Variants in PDE1B observed in about 807,000 individuals in gnomAD.
PDE1B encodes phosphodiesterase 1B, also known as dual specificity calcium/calmodulin-dependent 3',5'-cyclic nucleotide phosphodiesterase 1B.
In PDE1B, 13 loss-of-function variants were observed where a neutral mutation model predicts 66.7. That is an observed-to-expected ratio of 0.19 (90% CI 0.13 to 0.31). PDE1B has a LOEUF of 0.31. PDE1B is among the 10% of genes least tolerant of loss of function. The pLI is 1.00. For synonymous variants in PDE1B, 230 were observed against 253.9 expected (o/e 0.91, Z 0.90); for missense variants, 485 against 682.3 (o/e 0.71, Z 3.22).
At chr12:54,570,210 G>T in intron 5 of PDE1B, 31 bp from the exon 6 acceptor site, 1 of 1,344,294 alleles carries the variant, frequency 7.4e-7, no homozygotes, top group Middle Eastern at 1.8e-4. Context: ...GCTGCTGCTG[G>T]AAAGCCACAT....
Position 54,577,330 on chromosome 12 carries a change from C to G in PDE1B, c.*2C>G. The G allele has an allele frequency of 6.2e-7, 1 of 1,613,906 alleles. No individual in the cohort carries two copies. Among genetic ancestry groups the G allele is most frequent in the Non-Finnish European group, 8.5e-7 (1 of 1,179,954 alleles). On this transcript the variant is annotated 3_prime_UTR_variant, in exon 15 of 16. Coordinates refer to ENST00000243052, the MANE Select transcript of PDE1B (RefSeq NM_000924.4). The stretch of plus-strand genomic sequence containing the variant: ...AACCAGAATGGGAATCTGGATTAGC[C>G]CTGGGGCTGGCCCAGGTGAGCCTGT...
In PDE1B at chr12:54,575,646, C is replaced by T; in HGVS notation, c.1267+14C>T. 6.3e-7 allele frequency: 1 copy of T among 1,577,350 alleles called. No homozygotes were observed. On this transcript the variant is annotated intron_variant, in intron 12 of 15. Coordinates refer to ENST00000243052, the MANE Select transcript of PDE1B (RefSeq NM_000924.4). The surrounding 1 kb of genome is among the most constrained non-coding windows in gnomAD (Gnocchi z 4.0). ...AGTCTCAGATAGGTGAGTGTCCTCT[C>T]CTGCAGGAAGGGGAGGACTGGGAGG... is the stretch of plus-strand genomic sequence containing the variant.
Position 54,549,855 on chromosome 12 carries a change from C to T in PDE1B, c.-13-5C>T. On this transcript the variant is annotated splice_polypyrimidine_tract_variant and splice_region_variant and intron_variant, in intron 1 of 15. Transcript: ENST00000243052. ...GAGGTGCTGTCTCCTCCTTCTGTTCCGTAGACCGTGGCTGAGCATGGAGCT... is the reference window on the plus strand; with the variant it reads ...GAGGTGCTGTCTCCTCCTTCTGTTCTGTAGACCGTGGCTGAGCATGGAGCT... 1.3e-6 allele frequency: 2 copies of T among 1,596,094 alleles called. No individual in the cohort carries two copies. The highest frequency in any genetic ancestry group is 2.2e-5 in the South Asian group (2 of 90,404).
chr12:54,562,802 A>T (rs141214582), intron 2 of PDE1B, among the ~76,000 whole-genome samples: 138 of 152,300 alleles, frequency 9.1e-4, no homozygotes, highest in Non-Finnish European at 1.8e-3. Flanking sequence ...TCCTCTTCTT[A>T]GACTTCCCAT....
Position 54,575,021 on chromosome 12 carries a change from T to C in PDE1B, c.1065-77T>C. The C allele has an allele frequency of 3.4e-6, 4 of 1,186,072 alleles. No individual in the cohort carries two copies. Among genetic ancestry groups the C allele is most frequent in the Non-Finnish European group, 4.9e-6 (4 of 818,018 alleles). The allele number at this position is 1,186,072 out of a possible 1,614,324, so 73.5% of individuals were successfully genotyped here. On this transcript the variant is annotated intron_variant, in intron 10 of 15. Coordinates refer to ENST00000243052, the MANE Select transcript of PDE1B (RefSeq NM_000924.4). The surrounding 1 kb of genome is among the most constrained non-coding windows in gnomAD (Gnocchi z 4.0). Reference sequence around the variant, plus strand: ...AAGAAGTTATGTGATAGGGTGTGCGTGGGAAGTTAGGGAATGGTCCTAACT... The same window carrying C: ...AAGAAGTTATGTGATAGGGTGTGCGCGGGAAGTTAGGGAATGGTCCTAACT...
chr12:54,566,806 C>T (rs1463746080), intron 2 of PDE1B, among the ~76,000 whole-genome samples, 168 bp from the exon 3 acceptor site: 1 of 152,018 alleles, frequency 6.6e-6, no homozygotes, highest in Non-Finnish European at 1.5e-5. Flanking sequence ...TGGCAATAGC[C>T]TGAGATTAAA....
Position 54,573,958 on chromosome 12 carries a change from C to T in PDE1B, c.1064+249C>T. 2.0e-6 allele frequency: 1 copy of T among 506,486 alleles called. No individual in the cohort carries two copies. Among genetic ancestry groups the T allele is most frequent in the Non-Finnish European group, 3.5e-6 (1 of 284,844 alleles). 31.4% of individuals were successfully genotyped at this position (506,486 alleles called of 1,614,324 possible). A position where few individuals can be genotyped will look rare whatever the true frequency, so the allele number is the denominator to read the frequency against. ...TTGGCAGCTGATCCACTGGAGAGTGCTTTGGGCTGGGAATCTAAGATGGGG... is the reference window on the plus strand; with the variant it reads ...TTGGCAGCTGATCCACTGGAGAGTGTTTTGGGCTGGGAATCTAAGATGGGG... On this transcript the variant is annotated intron_variant, in intron 10 of 15. Transcript: ENST00000243052. The surrounding 1 kb of genome is among the most constrained non-coding windows in gnomAD (Gnocchi z 5.2).
intron 2 of PDE1B, among the ~76,000 whole-genome samples, chr12:54,554,973 A>C (rs1310188438): frequency 6.6e-6 from 1 of 152,160 alleles, no homozygotes; most frequent in African/African-American, 2.4e-5. Context: ...AGGAATATGA[A>C]TTACCTAATA....
rs1199129939 is a variant in PDE1B at position 54,549,608 on chromosome 12, G to GGCGGCGGCGGCGGTA, written c.-172_-158dup. On this transcript the variant is annotated 5_prime_UTR_variant, in exon 1 of 16. Transcript: ENST00000243052. ...CGAGGAGGCGGCTCTGGCAGCGCGC[G>GGCGGCGGCGGCGGTA]GCGGCGGCGGCGGTAGCGGCAGCAG... The GGCGGCGGCGGCGGTA allele has an allele frequency of 5.6e-6, 2 of 354,016 alleles. No homozygotes were observed. Among genetic ancestry groups the GGCGGCGGCGGCGGTA allele is most frequent in the East Asian group, 5.3e-5 (1 of 18,696 alleles). The allele number at this position is 354,016 out of a possible 1,614,324, so 21.9% of individuals were successfully genotyped here.
rs766901400 is a variant in PDE1B, at chr12:54,576,645, C to T, written c.1451C>T (p.Thr484Ile). The change falls in exon 14 of 16, where the codon ACC becomes ATC. Residue 484 changes from threonine (T) to isoleucine (I), a missense_variant. This residue lies in a region of PDE1B where 126 missense variants were observed against 133.8 expected (regional missense o/e 0.94). Coordinates refer to ENST00000243052, the MANE Select transcript of PDE1B (RefSeq NM_000924.4). Reference protein sequence around the residue: ...PNPDVVSFRSTWVKRIQENKQ... With the variant: ...PNPDVVSFRSIWVKRIQENKQ... ...CCTGATGTGGTCAGCTTTCGTTCCA[C>T]CTGGGTCAAGCGCATTCAGGAGAAT... 3 of 1,613,946 alleles carry T rather than the reference C, an allele frequency of 1.9e-6. No homozygotes were observed. The highest frequency in any genetic ancestry group is 1.1e-5 in the South Asian group (1 of 91,046).
intron 2 of PDE1B, among the ~76,000 whole-genome samples, chr12:54,555,889 C>T (rs971437033): frequency 3.3e-5 from 5 of 152,170 alleles, no homozygotes; most frequent in East Asian, 1.9e-4. Flanking sequence ...GCCATCAGTA[C>T]TTCTCCTCCC....
chr12:54,558,394 A>C (rs1313772231), intron 2 of PDE1B, among the ~76,000 whole-genome samples: 2 of 140,714 alleles, frequency 1.4e-5, no homozygotes, highest in Non-Finnish European at 1.5e-5. Flanking sequence ...CTCTCTCACC[A>C]CTGCTGCCAT....
intron 2 of PDE1B, among the ~76,000 whole-genome samples, chr12:54,551,437 A>G (rs1957276667): frequency 6.6e-6 from 1 of 152,202 alleles, no homozygotes; most frequent in Admixed American, 6.6e-5. Flanking sequence ...GGAAAACCAG[A>G]TTGAACTGAT....
At chr12:54,559,804 C>A (rs181105846) in intron 2 of PDE1B, among the ~76,000 whole-genome samples, 7 of 152,080 alleles carry the variant, frequency 4.6e-5, no homozygotes, top group African/African-American at 1.7e-4. Flanking sequence ...AGTGAGGGTA[C>A]AAGACGAGGC....
rs60049770 is a variant in PDE1B, at chr12:54,573,918, C to G, written c.1064+209C>G. 2.2e-4 allele frequency: 115 copies of G among 527,476 alleles called. No individual in the cohort carries two copies. Among genetic ancestry groups the G allele is most frequent in the Non-Finnish European group, 3.5e-4 (102 of 295,558 alleles). 32.7% of individuals were successfully genotyped at this position (527,476 alleles called of 1,614,324 possible). A position where few individuals can be genotyped will look rare whatever the true frequency, so the allele number is the denominator to read the frequency against. ...GTGTGTGTGTGTGTGTGTGTCCTTA[C>G]GTTTACTCACAGCCTTGGCAGCTGA... is the stretch of plus-strand genomic sequence containing the variant. On this transcript the variant is annotated intron_variant, in intron 10 of 15. Coordinates refer to ENST00000243052, the MANE Select transcript of PDE1B (RefSeq NM_000924.4). The surrounding 1 kb of genome is among the most constrained non-coding windows in gnomAD (Gnocchi z 5.2).
chr12:54,567,867 T>G lies in PDE1B; in HGVS notation c.227+780T>G, dbSNP rs1456562555. ...ATTCATATATATATATATATATTTT[T>G]TTGTTTTGAGACAGAGTTTACTCTT... is the stretch of plus-strand genomic sequence containing the variant. On this transcript the variant is annotated intron_variant, in intron 3 of 15. Transcript: ENST00000243052. 3.3e-5 allele frequency among the ~76,000 whole-genome samples: 5 copies of G among 151,932 alleles called. No individual in the cohort carries two copies. In the South Asian group the frequency reaches 8.3e-4, roughly 25 times the overall value.
rs753650018 is a variant in PDE1B at position 54,569,247 on chromosome 12, G to A, written c.291G>A (p.Val97=). The A allele has an allele frequency of 4.3e-6, 7 of 1,613,824 alleles. No homozygotes were observed. Among genetic ancestry groups the A allele is most frequent in the Non-Finnish European group, 5.1e-6 (6 of 1,179,898 alleles). ...GGTCAGATGCCGTGCCTTCGGAGGT[G>A]CGGGACTGGCTGGCCTCCACCTTCA... is the stretch of plus-strand genomic sequence containing the variant. ...ELRSDAVPSE[V]RDWLASTFTQ... Residue 97 remains valine (V), a synonymous_variant, in exon 4 of 16, where the codon GTG becomes GTA. Coordinates refer to ENST00000243052, the MANE Select transcript of PDE1B (RefSeq NM_000924.4). This position sits in a 1 kb window ranked among gnomAD's most constrained non-coding sequence, Gnocchi z 4.4.
chr12:54,570,628 A>G (rs1005855695), intron 6 of PDE1B: 7 of 406,188 alleles, frequency 1.7e-5, no homozygotes, highest in African/African-American at 1.4e-4. Context: ...TTTTCCCCCA[A>G]CTTGTCCTCT....
intron 2 of PDE1B, among the ~76,000 whole-genome samples, chr12:54,565,082 G>A (rs536530656): frequency 2.0e-5 from 3 of 152,228 alleles, no homozygotes; most frequent in Admixed American, 2.0e-4. Flanking sequence ...GCAAATGAGT[G>A]CCGTGGGTGT....
Sources: allele counts gnomAD v4.1 joint callset (sites outside exome capture counted in the v4.1 genomes callset), GRCh38; gene constraint gnomAD v4.1.1; regional missense constraint gnomAD v4.1.1; non-coding constraint Gnocchi (gnomAD v3.1); transcripts MANE v1.5; gene names NCBI Gene and HGNC (gene_info 2026-07-23, HGNC 2026-07-21).